The following RIF1 variants were observed in gnomAD, a reference collection of about 807,000 sequenced individuals.
RIF1 encodes the protein replication timing regulatory factor 1.
A neutral mutation model predicts 247.1 loss-of-function variants in RIF1; 45 were observed. The observed-to-expected ratio is 0.18, with a 90% CI of 0.14 to 0.23. The LOEUF is 0.23. Among genes scored for constraint, RIF1 ranks in the 10% least tolerant of loss-of-function variants. The pLI is 1.00. For synonymous variants in RIF1, 1,087 were observed against 978.8 expected (o/e 1.11, Z -2.06); for missense variants, 2,967 against 2,862.5 (o/e 1.04, Z -0.83).
chr2:151,461,879 G>A (rs1478852052), intron 27 of RIF1, among the ~76,000 whole-genome samples: 1 of 151,240 alleles, frequency 6.6e-6, no homozygotes, highest in Non-Finnish European at 1.5e-5. Context: ...TTTATGTTTT[G>A]TTTTATGTTG....
chr2:151,449,810 C>CTGCCA (rs1693950454), intron 20 of RIF1, among the ~76,000 whole-genome samples: 4 of 149,792 alleles, frequency 2.7e-5, no homozygotes, highest in Admixed American at 2.7e-4. Context: ...ACTTTGATTA[C>CTGCCA]TGCCATCAGT....
At position 151,494,165 on chromosome 2, in the gene RIF1, C is replaced by G. The variant is rs2152874768; in HGVS notation, c.*416-1064C>G. The G allele has an allele frequency of 6.2e-7, 1 of 1,604,032 alleles. No homozygotes were observed. The highest frequency in any genetic ancestry group is 1.3e-5 in the African/African-American group (1 of 74,930). On this transcript the variant is annotated intron_variant and NMD_transcript_variant, in intron 9 of 13. Coordinates refer to the RIF1 transcript ENST00000454583. ...TTTTGTTTCTCAAGACAATACCGAG[C>G]TAATGTTTTCTTGATTGCGTTTGAC...
chr2:151,458,235 T>G (rs1695538811), intron 24 of RIF1, among the ~76,000 whole-genome samples: 1 of 144,182 alleles, frequency 6.9e-6, no homozygotes, highest in African/African-American at 2.6e-5. Context: ...GATTTTTTTT[T>G]TTTTTTTTTT....
rs1389822606 is a variant in RIF1 at position 151,435,600 on chromosome 2, G to T, written c.1195+20G>T. On this transcript the variant is annotated intron_variant, in intron 11 of 35. Transcript: ENST00000444746. ...ACAAAGGTAAGAGGTAGATATTCTT[G>T]TTTTTTGCTTTTTTAATCAGGCTTT... 1.3e-5 allele frequency: 18 copies of T among 1,402,500 alleles called. No homozygotes were observed. The highest frequency in any genetic ancestry group is 1.8e-5 in the Non-Finnish European group (18 of 991,264). The allele number at this position is 1,402,500 out of a possible 1,614,324, so 86.9% of individuals were successfully genotyped here.
chr2:151,422,644 C>T (rs550380104), intron 7 of RIF1, among the ~76,000 whole-genome samples: 26 of 151,926 alleles, frequency 1.7e-4, no homozygotes, highest in Middle Eastern at 3.4e-3. Flanking sequence ...GAATTATGGG[C>T]GTCTGCCACC....
chr2:151,431,382 A>C (rs1274902472), intron 9 of RIF1, among the ~76,000 whole-genome samples: 2 of 152,208 alleles, frequency 1.3e-5, no homozygotes, highest in Non-Finnish European at 2.9e-5. Flanking sequence ...AGTAGTCAAA[A>C]ATTGGGCACC....
Position 151,499,397 on chromosome 2 carries a change from GAC to G in RIF1, c.*570_*571del. 6.7e-7 allele frequency: 1 copy of G among 1,493,916 alleles called. No homozygotes were observed. The allele number at this position is 1,493,916 out of a possible 1,614,324, so 92.5% of individuals were successfully genotyped here. A position where few individuals can be genotyped will look rare whatever the true frequency, so the allele number is the denominator to read the frequency against. The stretch of plus-strand genomic sequence containing the variant: ...CGTTTTCTTTATACAACACCTGTAT[GAC>G]ACAAGAAAGCATCCAGAAAAAACAA... On this transcript the variant is annotated 3_prime_UTR_variant and NMD_transcript_variant, in exon 11 of 14. Transcript: ENST00000454583.
intron 8 of RIF1, among the ~76,000 whole-genome samples, chr2:151,427,833 G>A (rs1689394278): frequency 1.3e-5 from 2 of 152,032 alleles, no homozygotes; most frequent in African/African-American, 2.4e-5. Context: ...GGGAGGCCGA[G>A]GTGGACTGAG....
chr2:151,436,958 G>A lies in RIF1; in HGVS notation c.1327G>A (p.Glu443Lys). 6.2e-7 allele frequency: 1 copy of A among 1,614,034 alleles called. No individual in the cohort carries two copies. Among genetic ancestry groups the A allele is most frequent in the Non-Finnish European group, 8.5e-7 (1 of 1,179,992 alleles). Residue 443 changes from glutamate (E) to lysine (K), a missense_variant, in exon 12 of 36, where the codon GAA (glutamate) becomes AAA (lysine). By Grantham distance (56) the Glu-to-Lys change is moderately conservative (BLOSUM62 1). Coordinates refer to ENST00000444746, the MANE Select transcript of RIF1 (RefSeq NM_018151.5). Reference protein sequence around the residue: ...EMLLHFLLGPEALSFAKQNKL... With the variant: ...EMLLHFLLGPKALSFAKQNKL... ...GTTGCTTCATTTCTTGTTGGGTCCAGAAGCCTTGAGTTTTGCTAAGCAAAA... is the reference window on the plus strand; with the variant it reads ...GTTGCTTCATTTCTTGTTGGGTCCAAAAGCCTTGAGTTTTGCTAAGCAAAA...
At chr2:151,516,436 G>A in the RIF1 span, 1 of 1,481,996 alleles carries the variant, frequency 6.7e-7, no homozygotes, top group East Asian at 2.3e-5. Flanking sequence ...TCATTGTTGT[G>A]TGGTGTGGTT....
In RIF1 at chr2:151,420,274, A is replaced by C. The variant is rs140500878; in HGVS notation, c.588A>C (p.Ala196=). Reference sequence around the variant, plus strand: ...TCATACCTTTAGTGGTTCATTCAGCACAAAAGGTACATTTGCGGGGAGCAA... The same window carrying C: ...TCATACCTTTAGTGGTTCATTCAGCCCAAAAGGTACATTTGCGGGGAGCAA... ...KLVIPLVVHS[A]QKVHLRGATA... The change falls in exon 7 of 36, where the codon GCA becomes GCC. Residue 196 remains alanine (A), a synonymous_variant. Transcript: ENST00000444746. The C allele has an allele frequency of 6.9e-5, 111 of 1,614,094 alleles. No individual in the cohort carries two copies. The highest frequency in any genetic ancestry group is 8.6e-5 in the Non-Finnish European group (102 of 1,180,032).
At chr2:151,514,862 G>A in the RIF1 span, 7 of 1,588,252 alleles carry the variant, frequency 4.4e-6, no homozygotes, top group Admixed American at 1.2e-4. Flanking sequence ...AACAAAGCTG[G>A]CGTGACCTCC....
chr2:151,421,471 T>G (rs950180363), intron 7 of RIF1, among the ~76,000 whole-genome samples: 6 of 152,076 alleles, frequency 3.9e-5, no homozygotes, highest in Non-Finnish European at 8.8e-5. Context: ...GTGGAGTGAA[T>G]GAGAGTGAGA....
intron 20 of RIF1, among the ~76,000 whole-genome samples, chr2:151,451,281 A>T (rs760312420): frequency 2.7e-4 from 41 of 152,186 alleles, no homozygotes; most frequent in Non-Finnish European, 5.6e-4. Flanking sequence ...AGTATTCAGT[A>T]TAGTAACTAC....
intron 35 of RIF1, 66 bp downstream of exon 35, chr2:151,474,138 T>A (rs1368737239): frequency 3.9e-6 from 3 of 766,968 alleles, no homozygotes; most frequent in Non-Finnish European, 6.7e-6. Context: ...AAATATGTTA[T>A]TTTTTTTAGT....
At position 151,440,142 on chromosome 2, in the gene RIF1, C is replaced by T. The variant is rs369747575; in HGVS notation, c.1647+15C>T. 417 of 1,306,484 alleles carry T rather than the reference C, an allele frequency of 3.2e-4. No homozygotes were observed. In the African/African-American group the frequency reaches 4.8e-3, roughly 15 times the overall value. 80.9% of individuals were successfully genotyped at this position (1,306,484 alleles called of 1,614,324 possible). ...CAAAAACGCTGGTAAGTATAATACC[C>T]GTATGTTGGACTTTAAAAACCATTT... On this transcript the variant is annotated intron_variant, in intron 15 of 35. Coordinates refer to ENST00000444746, the MANE Select transcript of RIF1 (RefSeq NM_018151.5).
Position 151,490,008 on chromosome 2 carries a change from G to A in RIF1, c.*416-5221G>A, listed in dbSNP as rs78592085. 4,034 of 1,612,568 alleles carry A rather than the reference G, an allele frequency of 2.5e-3. 10 individuals are homozygous for A. The highest frequency in any genetic ancestry group is 4.4e-3 in the Admixed American group (262 of 60,018). On this transcript the variant is annotated intron_variant and NMD_transcript_variant, in intron 9 of 13. Transcript: ENST00000454583. ...TGGATGAGATGGGATGGAAGATACC[G>A]TTGTCTGTTGGGTAGCAACTGAAGA...
intron 21 of RIF1, among the ~76,000 whole-genome samples, chr2:151,453,563 G>C (rs1694688776): frequency 8.1e-6 from 1 of 123,158 alleles, no homozygotes; most frequent in Non-Finnish European, 1.6e-5. Flanking sequence ...CTGGGCAACA[G>C]AGCTAGACTC....
At chr2:151,417,256 C>A (rs2152119602) in intron 6 of RIF1, among the ~76,000 whole-genome samples, 1 of 152,268 alleles carries the variant, frequency 6.6e-6, no homozygotes, top group South Asian at 2.1e-4. Flanking sequence ...CAGTGTTTAG[C>A]AGGGAATAGA....
Sources: allele counts gnomAD v4.1 joint callset (sites outside exome capture counted in the v4.1 genomes callset), GRCh38; gene constraint gnomAD v4.1.1; transcripts MANE v1.5; gene names NCBI Gene and HGNC (gene_info 2026-07-23, HGNC 2026-07-21).